TOX4: variants seen among roughly 807,000 people sequenced by gnomAD.
The protein encoded by TOX4 is epidermal Langerhans cell protein LCP1.
In TOX4, 12 loss-of-function variants were observed where a neutral mutation model predicts 61.0. That is an observed-to-expected ratio of 0.20 (90% CI 0.13 to 0.32). The LOEUF (loss-of-function observed/expected upper bound fraction) is 0.32, where lower values mean the gene tolerates loss of function less well. Among genes scored for constraint, TOX4 ranks in the 10% least tolerant of loss-of-function variants. The pLI, the probability that TOX4 is intolerant of heterozygous loss-of-function variation, is 1.00. For missense variants in TOX4, 499 were observed against 753.3 expected (o/e 0.66, Z 3.95); for synonymous variants, 268 against 274.8 (o/e 0.98, Z 0.24).
intron 5 of TOX4, among the ~76,000 whole-genome samples, chr14:21,491,749 C>T (rs1416250421): frequency 6.6e-6 from 1 of 150,844 alleles, no homozygotes; most frequent in East Asian, 2.0e-4. Flanking sequence ...TGGTGGCTCA[C>T]GCCTGTAATC....
intron 5 of TOX4, among the ~76,000 whole-genome samples, chr14:21,489,702 C>T (rs1711792263): frequency 6.6e-6 from 1 of 152,004 alleles, no homozygotes; most frequent in African/African-American, 2.4e-5. Flanking sequence ...CTTCAGCCTC[C>T]CGAGTAGCTG....
chr14:21,494,564 G>A (rs1183282033), intron 7 of TOX4, among the ~76,000 whole-genome samples: 1 of 152,108 alleles, frequency 6.6e-6, no homozygotes, highest in African/African-American at 2.4e-5. Flanking sequence ...TGGCTAACAC[G>A]GTGAAAACCC....
rs1891303187 is a variant in TOX4, at chr14:21,492,115, G to A, written c.811-181G>A. 17 of 596,282 alleles carry A rather than the reference G, an allele frequency of 2.9e-5. No homozygotes were observed. In the East Asian group the frequency reaches 4.9e-4, roughly 17 times the overall value. 36.9% of individuals were successfully genotyped at this position (596,282 alleles called of 1,614,324 possible). A position where few individuals can be genotyped will look rare whatever the true frequency, so the allele number is the denominator to read the frequency against. On this transcript the variant is annotated intron_variant, in intron 5 of 8. Transcript: ENST00000448790. ...GTTGTCTTTCAGAGGTATGCTCAGT[G>A]GAGTGAGTCTGCCATGGAGGTTGTC...
chr14:21,483,387 CTT>C (rs34480307), intron 2 of TOX4, among the ~76,000 whole-genome samples: 16 of 143,194 alleles, frequency 1.1e-4, no homozygotes, highest in East Asian at 2.0e-4. Flanking sequence ...GTTCCTATAA[CTT>C]TTTTTTTTTT....
chr14:21,481,394 G>T (rs911646127), intron 2 of TOX4, among the ~76,000 whole-genome samples: 3 of 152,156 alleles, frequency 2.0e-5, no homozygotes, highest in African/African-American at 7.2e-5. Context: ...GGCCAAGTTG[G>T]TCTCAAACTC....
intron 7 of TOX4, 138 bp downstream of exon 7, chr14:21,493,395 C>G: frequency 1.2e-6 from 1 of 824,316 alleles, no homozygotes; most frequent in African/African-American, 3.9e-5. Flanking sequence ...GATGGGAGTT[C>G]CTTGCAGCAG....
intron 2 of TOX4, among the ~76,000 whole-genome samples, chr14:21,479,509 G>A (rs1891072892): frequency 6.6e-6 from 1 of 151,858 alleles, no homozygotes; most frequent in African/African-American, 2.4e-5. Flanking sequence ...TTAGCCGGGT[G>A]TGGTGGTGCG....
At chr14:21,487,419 A>G in intron 2 of TOX4, 32 bp from the exon 3 acceptor site, 1 of 1,606,744 alleles carries the variant, frequency 6.2e-7, no homozygotes, top group African/African-American at 1.3e-5. Context: ...TCCTCTTTTC[A>G]CTAATTCTTT....
At chr14:21,491,677 T>G (rs1891293365) in intron 5 of TOX4, among the ~76,000 whole-genome samples, 1 of 150,902 alleles carries the variant, frequency 6.6e-6, no homozygotes. Context: ...AGGGTTTATT[T>G]TTGTTACAGA....
chr14:21,492,370 G>A lies in TOX4; in HGVS notation c.885G>A (p.Glu295=), dbSNP rs749792743. The change falls in exon 6 of 9, where the codon GAG becomes GAA. Residue 295 remains glutamate (E), a synonymous_variant. Transcript: ENST00000448790. ...TGGCTGCTTACAAAGACAACCAGGA[G>A]TGTCAGGTAAGAGGGATAGGATAGA... The part of the protein sequence containing the change: ...KALAAYKDNQ[E]CQATVETVEL... 21 of 1,613,986 alleles carry A rather than the reference G, an allele frequency of 1.3e-5. No homozygotes were observed. Among genetic ancestry groups the A allele is most frequent in the Non-Finnish European group, 1.8e-5 (21 of 1,180,018 alleles).
chr14:21,486,060 G>T (rs1308723802), intron 2 of TOX4, among the ~76,000 whole-genome samples: 3 of 102,848 alleles, frequency 2.9e-5, no homozygotes, highest in Non-Finnish European at 4.2e-5. Context: ...AAATTAGCTG[G>T]GTGTGGTGGC....
chr14:21,498,543 T>C lies in TOX4; in HGVS notation c.*1937T>C. 1.6e-6 allele frequency: 1 copy of C among 638,670 alleles called. No individual in the cohort carries two copies. The highest frequency in any genetic ancestry group is 2.7e-6 in the Non-Finnish European group (1 of 374,470). The allele number at this position is 638,670 out of a possible 1,614,324, so 39.6% of individuals were successfully genotyped here. On this transcript the variant is annotated 3_prime_UTR_variant, in exon 9 of 9. Transcript: ENST00000448790. ...TAGAATTACTAGTTCAGAATTGGCATAGATTCTGGTGTTAAAATAGACTGG... is the reference window on the plus strand; with the variant it reads ...TAGAATTACTAGTTCAGAATTGGCACAGATTCTGGTGTTAAAATAGACTGG...
chr14:21,488,782 G>T lies in TOX4; in HGVS notation c.511G>T (p.Asp171Tyr). ...CCTGCCACCTGCCCAGTCACCTGAA[G>T]ATCGTCTTTCAACCACCCCTTCACC... ...TILPPAQSPEDRLSTTPSPTS... is the reference protein window; with the variant it reads ...TILPPAQSPEYRLSTTPSPTS... The change falls in exon 4 of 9, where the codon GAT (aspartate) becomes TAT (tyrosine). Residue 171 changes from aspartate to tyrosine, a missense_variant. Coordinates refer to ENST00000448790, the MANE Select transcript of TOX4 (RefSeq NM_014828.4). 6.2e-7 allele frequency: 1 copy of T among 1,614,214 alleles called. No individual in the cohort carries two copies. The highest frequency in any genetic ancestry group is 2.2e-5 in the East Asian group (1 of 44,886).
Position 21,499,079 on chromosome 14 carries a change from G to A in TOX4, c.*2473G>A. On this transcript the variant is annotated 3_prime_UTR_variant, in exon 9 of 9. Transcript: ENST00000448790. ...AAATAACTCAATCTTGCGAGTGCCA[G>A]GAGATAGTCTTTCAATCATGCCATA... 6.2e-7 allele frequency: 1 copy of A among 1,614,156 alleles called. No homozygotes were observed. Among genetic ancestry groups the A allele is most frequent in the Non-Finnish European group, 8.5e-7 (1 of 1,180,028 alleles).
intron 2 of TOX4, among the ~76,000 whole-genome samples, chr14:21,479,604 C>T (rs1227438252): frequency 1.3e-5 from 2 of 152,204 alleles, no homozygotes; most frequent in South Asian, 2.1e-4. Context: ...GCCGAGATTG[C>T]GCCATTGTAC....
At position 21,477,451 on chromosome 14, in the gene TOX4, C is replaced by A. The variant is rs754478937; in HGVS notation, c.7-45C>A. Reference sequence around the variant, plus strand: ...AAAAGCCATCGCTCCAAGCTGACTCCCTGCTCCCCCTAACTTATCCCCGCG... The same window carrying A: ...AAAAGCCATCGCTCCAAGCTGACTCACTGCTCCCCCTAACTTATCCCCGCG... On this transcript the variant is annotated intron_variant, in intron 1 of 8. Coordinates refer to ENST00000448790, the MANE Select transcript of TOX4 (RefSeq NM_014828.4). 8 of 1,612,000 alleles carry A rather than the reference C, an allele frequency of 5.0e-6. No individual in the cohort carries two copies. The Admixed American group carries it at 1.3e-4, about 27-fold the overall frequency.
At chr14:21,484,226 T>G (rs562496105) in intron 2 of TOX4, among the ~76,000 whole-genome samples, 1 of 152,208 alleles carries the variant, frequency 6.6e-6, no homozygotes, top group Admixed American at 6.5e-5. Flanking sequence ...TCTTTTTGTC[T>G]TTTAGGAAAC....
At chr14:21,482,666 T>C (rs1891124472) in intron 2 of TOX4, 3 of 442,608 alleles carry the variant, frequency 6.8e-6, no homozygotes, top group South Asian at 5.1e-5. Flanking sequence ...CACTTCTTTT[T>C]AATATTTGCT....
In TOX4 at chr14:21,492,952, C is replaced by T. The variant is rs1391372617; in HGVS notation, c.1336C>T (p.Pro446Ser). Reference sequence around the variant, plus strand: ...ACTGCCTCCACCCCGACTACAGCCCCCTCCATTACAACAGATGCCACAGCC... The same window carrying T: ...ACTGCCTCCACCCCGACTACAGCCCTCTCCATTACAACAGATGCCACAGCC... ...MQLPPPRLQPPPLQQMPQPPT... is the reference protein window; with the variant it reads ...MQLPPPRLQPSPLQQMPQPPT... Residue 446 changes from proline to serine, a missense_variant, in exon 7 of 9, where the codon CCT (proline) becomes TCT (serine). Transcript: ENST00000448790. 6.2e-7 allele frequency: 1 copy of T among 1,613,536 alleles called. No homozygotes were observed. Among genetic ancestry groups the T allele is most frequent in the Non-Finnish European group, 8.5e-7 (1 of 1,179,884 alleles).
Sources: gnomAD v4.1 joint callset for allele counts (sites outside exome capture counted in the v4.1 genomes callset) on GRCh38, gnomAD v4.1.1 for gene constraint, MANE v1.5 for transcripts, NCBI Gene and HGNC (gene_info 2026-07-23, HGNC 2026-07-21) for gene names.